NME9: variants seen among roughly 807,000 people sequenced by gnomAD.
The protein encoded by NME9 is NME/NM23 family member 9.
NME9 carries 48 observed loss-of-function variants against 44.4 expected under a neutral mutation model. The ratio of observed to expected loss-of-function variants is 1.08; its 90% CI spans 0.86 to 1.37. The LOEUF (loss-of-function observed/expected upper bound fraction) is 1.37. Among genes scored for constraint, NME9 ranks in the 40% most tolerant of loss-of-function variants. The probability of loss-of-function intolerance (pLI) is 0.00; values close to 1 mark genes in which losing one functional copy is unlikely to be tolerated. For missense variants in NME9, 325 were observed against 405.2 expected (o/e 0.80, Z 1.70); for synonymous variants, 139 against 147.1 (o/e 0.94, Z 0.40).
chr3:138,310,084 A>G (rs184908264), intron 6 of NME9, among the ~76,000 whole-genome samples: 17 of 152,244 alleles, frequency 1.1e-4, no homozygotes, highest in Admixed American at 8.5e-4. Flanking sequence ...TTTACCTATA[A>G]AGACACATAG....
intron 8 of NME9, chr3:138,264,291 G>A (rs535301510): frequency 9.2e-7 from 1 of 1,083,894 alleles, no homozygotes; most frequent in South Asian, 1.3e-5. Flanking sequence ...CTACTCCCTG[G>A]TCTAGGAGTA....
chr3:138,286,190 G>T (rs1348465902), intron 8 of NME9, among the ~76,000 whole-genome samples: 1 of 152,150 alleles, frequency 6.6e-6, no homozygotes, highest in South Asian at 2.1e-4. Context: ...TGATCCACCT[G>T]TCTCGGCCTC....
At chr3:138,290,875 G>A (rs1340795486) in intron 8 of NME9, among the ~76,000 whole-genome samples, 3 of 152,214 alleles carry the variant, frequency 2.0e-5, no homozygotes, top group Non-Finnish European at 1.5e-5. Flanking sequence ...GGCCATCTTA[G>A]TGGATTGGAT....
chr3:138,309,302 C>CAA (rs35216977), intron 6 of NME9, among the ~76,000 whole-genome samples: 1,848 of 140,966 alleles, frequency 0.013, 36 homozygotes, highest in African/African-American at 0.042. Context: ...TCATCTCAAA[C>CAA]AAAAAAAAAA....
intron 10 of NME9, among the ~76,000 whole-genome samples, chr3:138,302,621 G>A (rs147334753): frequency 1.3e-5 from 2 of 152,306 alleles, no homozygotes; most frequent in Non-Finnish European, 2.9e-5. Flanking sequence ...TCCTCAGCTG[G>A]CAGTGGGAAT....
chr3:138,314,148 A>G (rs911105499), intron 6 of NME9, among the ~76,000 whole-genome samples, 184 bp downstream of exon 6: 1 of 152,206 alleles, frequency 6.6e-6, no homozygotes, highest in East Asian at 1.9e-4. Context: ...GTATCAAATT[A>G]TCTTATGTAC....
chr3:138,283,408 C>T (rs1027877278), intron 8 of NME9, among the ~76,000 whole-genome samples: 13 of 152,320 alleles, frequency 8.5e-5, no homozygotes, highest in Middle Eastern at 3.4e-3. Context: ...TCACTTCCTC[C>T]GGGAAGTTTT....
At chr3:138,265,612 C>T (rs1033582020) in intron 8 of NME9, among the ~76,000 whole-genome samples, 3 of 152,104 alleles carry the variant, frequency 2.0e-5, no homozygotes, top group African/African-American at 7.2e-5. Flanking sequence ...ATAAAGTGGG[C>T]TTTGAAAGCA....
chr3:138,288,087 T>C (rs2050594430), intron 8 of NME9: 1 of 159,536 alleles, frequency 6.3e-6, no homozygotes, highest in Admixed American at 6.1e-5. Flanking sequence ...TTGGGGATAT[T>C]CCTTTAGAAA....
intron 8 of NME9, chr3:138,270,063 A>G (rs773991603): frequency 5.6e-6 from 9 of 1,613,138 alleles, no homozygotes; most frequent in Non-Finnish European, 7.6e-6. Flanking sequence ...CAGGAGCCGT[A>G]GAGCTACTTT....
In NME9 at chr3:138,317,159, G is replaced by A. The variant is rs936279719; in HGVS notation, c.267+989C>T. Among the ~76,000 whole-genome samples, 4 of 152,268 alleles carry A rather than the reference G, an allele frequency of 2.6e-5. No homozygotes were observed. The South Asian group carries it at 6.2e-4, about 24-fold the overall frequency. ...AGCTCTGATGTCAAGTGTGTCTGGG[G>A]CATGCTCATCTCTGAGCTCCTTCCT... On this transcript the variant is annotated intron_variant, in intron 4 of 10. Transcript: ENST00000333911.
In NME9 at chr3:138,280,168, T is replaced by C. The variant is rs368471796; in HGVS notation, c.746-17582A>G. Among the ~76,000 whole-genome samples the C allele has an allele frequency of 8.8e-4, 134 of 152,228 alleles. 1 individual carries two copies. The highest frequency in any genetic ancestry group is 3.1e-3 in the African/African-American group (127 of 41,540). On this transcript the variant is annotated intron_variant, in intron 8 of 8. Transcript: ENST00000317876. The stretch of plus-strand genomic sequence containing the variant: ...ATCTGCCCACCTCGGCCTCCCAAAG[T>C]GCTGGGATTACAGACATGAGCCACT...
chr3:138,314,616 C>A (rs540920578), intron 5 of NME9, among the ~76,000 whole-genome samples: 1 of 152,164 alleles, frequency 6.6e-6, no homozygotes, highest in Non-Finnish European at 1.5e-5. Context: ...AGAAAATCCA[C>A]GCTTAAGTTT....
chr3:138,286,721 A>G (rs949599301), intron 8 of NME9, among the ~76,000 whole-genome samples: 1 of 151,906 alleles, frequency 6.6e-6, no homozygotes. Context: ...TCTTACGTAC[A>G]GACAGAGTTG....
At chr3:138,288,466 A>T (rs2050630642) in intron 8 of NME9, among the ~76,000 whole-genome samples, 1 of 152,168 alleles carries the variant, frequency 6.6e-6, no homozygotes, top group African/African-American at 2.4e-5. Context: ...TTGTTTGTCC[A>T]GCCAGATGGT....
Position 138,324,915 on chromosome 3 carries a change from G to T in NME9, c.49C>A (p.Gln17Lys). 1 of 1,613,814 alleles carries T rather than the reference G, an allele frequency of 6.2e-7. No individual in the cohort carries two copies. Among genetic ancestry groups the T allele is most frequent in the Non-Finnish European group, 8.5e-7 (1 of 1,179,748 alleles). Reference protein sequence around the residue: ...EIALQVNISTQELWEEMLSSK... With the variant: ...EIALQVNISTKELWEEMLSSK... Reference sequence around the variant, plus strand: ...CTGAGCATTTCCTCCCAAAGCTCTTGGGTGCTGATGTTGACCTAAAGCCAA... The same window carrying T: ...CTGAGCATTTCCTCCCAAAGCTCTTTGGTGCTGATGTTGACCTAAAGCCAA... The change falls in exon 2 of 11, where the codon CAA (glutamine) becomes AAA (lysine). Residue 17 changes from glutamine (Q) to lysine (K), a missense_variant. Coordinates refer to ENST00000333911, the MANE Select transcript of NME9 (RefSeq NM_001349018.2).
chr3:138,278,535 T>C (rs1486761736), intron 8 of NME9, among the ~76,000 whole-genome samples: 2 of 152,026 alleles, frequency 1.3e-5, no homozygotes, highest in African/African-American at 4.8e-5. Flanking sequence ...ATTTGGTAAA[T>C]AAAATTACTA....
chr3:138,322,521 T>TGTGTGC (rs59463925), intron 2 of NME9, among the ~76,000 whole-genome samples: 70 of 149,914 alleles, frequency 4.7e-4, no homozygotes, highest in African/African-American at 1.6e-3. Context: ...TGTGTGTGTG[T>TGTGTGC]CTGTGCATGC....
intron 8 of NME9, among the ~76,000 whole-genome samples, chr3:138,266,700 C>T (rs1312646927): frequency 6.6e-6 from 1 of 152,176 alleles, no homozygotes; most frequent in Non-Finnish European, 1.5e-5. Flanking sequence ...ACTGTCCTGC[C>T]TATGCAGTAG....
Sources: gnomAD v4.1 joint callset for allele counts (sites outside exome capture counted in the v4.1 genomes callset) on GRCh38, gnomAD v4.1.1 for gene constraint, MANE v1.5 for transcripts, NCBI Gene and HGNC (gene_info 2026-07-23, HGNC 2026-07-21) for gene names.